E2F3: variants seen among roughly 807,000 people sequenced by gnomAD.
The protein encoded by E2F3 is E2F transcription factor 3.
Under a neutral mutation model 44.4 loss-of-function variants are expected in E2F3, and 11 were observed. The ratio of observed to expected loss-of-function variants is 0.25; its 90% confidence interval spans 0.16 to 0.41. E2F3 has a LOEUF of 0.41. Ranked by LOEUF, E2F3 falls within the 10% of genes least tolerant of loss-of-function variation. The pLI is 1.00. For missense variants in E2F3, 487 were observed against 583.6 expected, an observed-to-expected ratio of 0.83 and a Z score of 1.70; for synonymous variants, 249 against 253.0, an observed-to-expected ratio of 0.98 and a Z score of 0.15.
intron 1 of E2F3, among the ~76,000 whole-genome samples, chr6:20,418,195 G>A (rs1759909974): frequency 1.3e-5 from 2 of 152,314 alleles, no homozygotes; most frequent in South Asian, 4.1e-4. Context: ...CGACGTGTGG[G>A]CCTCCCATCT....
At position 20,419,959 on chromosome 6, in the gene E2F3, G is replaced by A. The variant is rs561180953; in HGVS notation, c.393+17334G>A. Among the ~76,000 whole-genome samples, 7 of 152,260 alleles carry A rather than the reference G, an allele frequency of 4.6e-5. No homozygotes were observed. In the East Asian group the frequency reaches 1.4e-3, roughly 29 times the overall value. ...TGGCTCTCTGCGACCTCTGCTTCCC[G>A]GGCTCAAGTGATTCTTCCTCCTCAG... On this transcript the variant is annotated intron_variant, in intron 1 of 6. Transcript: ENST00000346618.
intron 1 of E2F3, among the ~76,000 whole-genome samples, chr6:20,412,058 C>T (rs954248016): frequency 1.6e-4 from 24 of 152,218 alleles, no homozygotes; most frequent in African/African-American, 5.5e-4. Context: ...GATCCGCCCA[C>T]TCTTGAGTTT....
chr6:20,467,028 A>G (rs937129509), intron 1 of E2F3, among the ~76,000 whole-genome samples: 2 of 151,978 alleles, frequency 1.3e-5, no homozygotes, highest in African/African-American at 4.8e-5. Context: ...AAAAATTTCC[A>G]CCTTCCTGTG....
At position 20,493,568 on chromosome 6, in the gene E2F3, C is replaced by A. The variant is rs79489313; in HGVS notation, c.*3138C>A. ...ATATGTAATATAATGTAAAAAAAAACAAAAAAAAGCTTTTATGATGGATTT... is the reference window on the plus strand; with the variant it reads ...ATATGTAATATAATGTAAAAAAAAAAAAAAAAAAGCTTTTATGATGGATTT... On this transcript the variant is annotated 3_prime_UTR_variant, in exon 7 of 7. Coordinates refer to ENST00000346618, the MANE Select transcript of E2F3 (RefSeq NM_001949.5). 2,036 of 138,904 alleles carry A rather than the reference C, an allele frequency of 0.015. 56 individuals carry two copies. Among genetic ancestry groups the A allele is most frequent in the East Asian group, 0.11 (725 of 6,432 alleles). The allele number at this position is 138,904 out of a possible 1,614,324, so 8.6% of individuals were successfully genotyped here. A position where few individuals can be genotyped will look rare whatever the true frequency, so the allele number is the denominator to read the frequency against.
rs199684582 is a variant in E2F3, at chr6:20,465,808, C to CATAT, written c.394-14028_394-14025dup. On this transcript the variant is annotated intron_variant, in intron 1 of 6. Transcript: ENST00000346618. ...TTTTTATGGCTGAGTAGTATTCCAT[C>CATAT]ATATATATATATACCACAGTTTCTT... Among the ~76,000 whole-genome samples, 326 of 151,758 alleles carry CATAT rather than the reference C, an allele frequency of 2.1e-3. 1 individual carries two copies. The highest frequency in any genetic ancestry group is 7.0e-3 in the African/African-American group (290 of 41,372).
In E2F3 at chr6:20,490,349, G is replaced by C; in HGVS notation, c.1317G>C (p.Gly439=). The stretch of plus-strand genomic sequence containing the variant: ...AAGAGGACTATCTCCTGAGCCTCGG[G>C]GAGGAGGAAGGCATCAGCGATCTCT... ...LLQEDYLLSL[G]EEEGISDLFD... The change falls in exon 7 of 7, where the codon GGG becomes GGC. Residue 439 remains glycine, a synonymous_variant. Coordinates refer to ENST00000346618, the MANE Select transcript of E2F3 (RefSeq NM_001949.5). This position sits in a 1 kb window ranked among gnomAD's most constrained non-coding sequence, Gnocchi z 4.3. 6.2e-7 allele frequency: 1 copy of C among 1,613,524 alleles called. No individual in the cohort carries two copies. Among genetic ancestry groups the C allele is most frequent in the South Asian group, 1.1e-5 (1 of 90,924 alleles).
At chr6:20,481,467 G>T in intron 3 of E2F3, 42 bp downstream of exon 3, 2 of 1,565,830 alleles carry the variant, frequency 1.3e-6, no homozygotes, top group Non-Finnish European at 1.8e-6. Context: ...TGAGGGGGTC[G>T]TTTCAAACTG....
At chr6:20,459,959 T>C (rs571657756) in intron 1 of E2F3, among the ~76,000 whole-genome samples, 4 of 152,310 alleles carry the variant, frequency 2.6e-5, no homozygotes, top group African/African-American at 9.6e-5. Flanking sequence ...ACTTGTGAGT[T>C]ACCTACCTTT....
intron 1 of E2F3, among the ~76,000 whole-genome samples, chr6:20,439,020 G>T (rs939160127): frequency 2.6e-5 from 4 of 152,104 alleles, no homozygotes; most frequent in South Asian, 2.1e-4. Context: ...AGTTGATTTG[G>T]GGGGTTCCTT....
chr6:20,439,802 A>T (rs184066631), intron 1 of E2F3, among the ~76,000 whole-genome samples: 3 of 152,342 alleles, frequency 2.0e-5, no homozygotes, highest in African/African-American at 7.2e-5. Flanking sequence ...CATTGGGGTT[A>T]CAAGCATGAG....
chr6:20,468,388 T>C (rs1463202607), intron 1 of E2F3, among the ~76,000 whole-genome samples: 6 of 152,252 alleles, frequency 3.9e-5, no homozygotes, highest in Admixed American at 6.5e-5. Context: ...TGAGGTTTAC[T>C]GGTTTATTAT....
rs1759321720 is a variant in E2F3 at position 20,402,101 on chromosome 6, G to A, written c.-132G>A. 7.2e-7 allele frequency: 1 copy of A among 1,388,838 alleles called. No individual in the cohort carries two copies. The highest frequency in any genetic ancestry group is 9.4e-7 in the Non-Finnish European group (1 of 1,069,484). 86.0% of individuals were successfully genotyped at this position (1,388,838 alleles called of 1,614,324 possible). A position where few individuals can be genotyped will look rare whatever the true frequency, so the allele number is the denominator to read the frequency against. On this transcript the variant is annotated 5_prime_UTR_variant, in exon 1 of 7. Coordinates refer to ENST00000346618, the MANE Select transcript of E2F3 (RefSeq NM_001949.5). The surrounding 1 kb of genome is among the most constrained non-coding windows in gnomAD (Gnocchi z 5.6). ...TGCGGAAAAATAAAAAGAAAAGAGA[G>A]AGAGGGGGCTCGGAAGCGCCGGGCG... is the stretch of plus-strand genomic sequence containing the variant.
At chr6:20,453,285 C>T (rs187125462) in intron 1 of E2F3, among the ~76,000 whole-genome samples, 7 of 152,284 alleles carry the variant, frequency 4.6e-5, no homozygotes, top group African/African-American at 1.7e-4. Flanking sequence ...TCCACACATA[C>T]ACGCACAAGA....
intron 1 of E2F3, among the ~76,000 whole-genome samples, chr6:20,429,867 C>T (rs904022305): frequency 6.6e-6 from 1 of 151,944 alleles, no homozygotes; most frequent in Non-Finnish European, 1.5e-5. Context: ...TGTTCTTACA[C>T]ATTGATTCCT....
intron 1 of E2F3, among the ~76,000 whole-genome samples, chr6:20,474,322 G>A (rs1005678219): frequency 2.6e-5 from 4 of 152,182 alleles, no homozygotes; most frequent in Admixed American, 6.5e-5. Flanking sequence ...TAACGTCCAT[G>A]GGGCTGAGGT....
intron 1 of E2F3, among the ~76,000 whole-genome samples, chr6:20,419,599 T>C (rs2127589247): frequency 6.6e-6 from 1 of 152,304 alleles, no homozygotes; most frequent in South Asian, 2.1e-4. Context: ...AGTCTTGCTC[T>C]GTTGCCCAGG....
intron 1 of E2F3, among the ~76,000 whole-genome samples, chr6:20,452,638 T>A (rs766416737): frequency 6.6e-6 from 1 of 152,174 alleles, no homozygotes; most frequent in Non-Finnish European, 1.5e-5. Flanking sequence ...AGCCTGGACA[T>A]CTTTTCAAGA....
chr6:20,410,093 A>AT (rs1235866548), intron 1 of E2F3, among the ~76,000 whole-genome samples: 3 of 152,174 alleles, frequency 2.0e-5, no homozygotes, highest in Non-Finnish European at 2.9e-5. Flanking sequence ...GACTCTGAGA[A>AT]TGATGGGCAG....
chr6:20,481,443 C>CGGA lies in E2F3; in HGVS notation c.725+18_725+19insGGA, dbSNP rs1267981250. 3 of 1,611,750 alleles carry CGGA rather than the reference C, an allele frequency of 1.9e-6. No individual in the cohort carries two copies. Among genetic ancestry groups the CGGA allele is most frequent in the Non-Finnish European group, 2.5e-6 (3 of 1,178,284 alleles). ...CAATGGATGTGAGTAGGAGTCCTCC[C>CGGA]CATGCCCCGGCTCTGAGGGGGTCGT... On this transcript the variant is annotated intron_variant, in intron 3 of 6. Transcript: ENST00000346618.
Sources: allele counts gnomAD v4.1 joint callset (sites outside exome capture counted in the v4.1 genomes callset), GRCh38; gene constraint gnomAD v4.1.1; non-coding constraint Gnocchi (gnomAD v3.1); transcripts MANE v1.5; gene names NCBI Gene and HGNC (gene_info 2026-07-23, HGNC 2026-07-21).